The following KIF25 variants were observed in gnomAD, a reference collection of about 807,000 sequenced individuals.
KIF25 encodes kinesin family member 25, also known as kinesin-like protein KIF25.
A neutral mutation model predicts 32.9 loss-of-function variants in KIF25; 19 were observed. That is an observed-to-expected ratio of 0.58 (90% CI 0.40 to 0.85). The LOEUF (loss-of-function observed/expected upper bound fraction) is 0.85. Ranked by LOEUF, KIF25 falls within the 40% of genes least tolerant of loss-of-function variation. The probability of loss-of-function intolerance (pLI) is 0.00; values close to 1 mark genes in which losing one functional copy is unlikely to be tolerated. For synonymous variants in KIF25, 225 were observed against 213.7 expected, an observed-to-expected ratio of 1.05 and a Z score of -0.46; for missense variants, 485 against 507.0, an observed-to-expected ratio of 0.96 and a Z score of 0.42.
At chr6:168,041,271 G>A (rs904779303) in intron 10 of KIF25, among the ~76,000 whole-genome samples, 5 of 152,230 alleles carry the variant, frequency 3.3e-5, no homozygotes, top group African/African-American at 9.6e-5. Context: ...GAGAGGTGAC[G>A]GGGAGGTGCT....
chr6:168,031,370 TCA>T (rs1203013801), intron 7 of KIF25, among the ~76,000 whole-genome samples: 1 of 152,210 alleles, frequency 6.6e-6, no homozygotes, highest in Non-Finnish European at 1.5e-5. Context: ...TTGAAGAATC[TCA>T]GTTTTGTGGC....
chr6:168,034,688 C>T (rs944291356), intron 8 of KIF25, among the ~76,000 whole-genome samples: 3 of 152,138 alleles, frequency 2.0e-5, no homozygotes, highest in Non-Finnish European at 4.4e-5. Context: ...CCCGTCCTTC[C>T]GTCGCCCTTC....
intron 9 of KIF25, 100 bp downstream of exon 9, chr6:168,038,829 C>A: frequency 8.2e-7 from 1 of 1,218,708 alleles, no homozygotes; most frequent in Non-Finnish European, 1.2e-6. Context: ...ACGAGCTCCC[C>A]ACGCCCAAGG....
At chr6:168,012,452 A>C (rs1381811740) in intron 4 of KIF25, among the ~76,000 whole-genome samples, 2 of 152,172 alleles carry the variant, frequency 1.3e-5, no homozygotes, top group African/African-American at 4.8e-5. Flanking sequence ...AGTGGCCTAC[A>C]GTGAGGGAGT....
chr6:168,007,290 T>C (rs951768794), intron 4 of KIF25, among the ~76,000 whole-genome samples: 1 of 152,086 alleles, frequency 6.6e-6, no homozygotes, highest in Admixed American at 6.5e-5. Flanking sequence ...TGGGCGCCTG[T>C]AGTCCCAGCT....
Position 168,041,995 on chromosome 6 carries a change from C to T in KIF25, c.673C>T (p.Pro225Ser), listed in dbSNP as rs1373665153. 1 of 1,552,028 alleles carries T rather than the reference C, an allele frequency of 6.4e-7. No individual in the cohort carries two copies. Among genetic ancestry groups the T allele is most frequent in the Non-Finnish European group, 8.7e-7 (1 of 1,147,284 alleles). The change falls in exon 11 of 13, where the codon CCC (proline) becomes TCC (serine). Residue 225 changes from proline (P) to serine (S), a missense_variant. Coordinates refer to ENST00000643607, the MANE Select transcript of KIF25 (RefSeq NM_030615.4). The part of the protein sequence containing the change: ...TADQACSATL[P>S]REQTEAGRAG... ...AGACCAAGCCTGCAGTGCCACCCTCCCCAGGGAGCAAACAGAGGCAGGAAG... is the reference window on the plus strand; with the variant it reads ...AGACCAAGCCTGCAGTGCCACCCTCTCCAGGGAGCAAACAGAGGCAGGAAG...
chr6:168,003,558 A>AT (rs1798534802), intron 3 of KIF25, 56 bp from the exon 4 acceptor site: 1 of 152,176 alleles, frequency 6.6e-6, no homozygotes, highest in Non-Finnish European at 1.5e-5. Context: ...AATGTTAGGA[A>AT]TTCAGAAAGC....
chr6:168,044,503 A>G (rs1436014802), intron 12 of KIF25, among the ~76,000 whole-genome samples: 1 of 115,494 alleles, frequency 8.7e-6, no homozygotes, highest in Non-Finnish European at 1.7e-5. Context: ...TCCCGGACCC[A>G]GGTGAGGGAC....
rs73040846 is a variant in KIF25 at position 168,018,628 on chromosome 6, C to T, written c.-95+588C>T. 4.8e-3 allele frequency among the ~76,000 whole-genome samples: 736 copies of T among 152,318 alleles called. 1 individual carries two copies. Among genetic ancestry groups the T allele is most frequent in the Non-Finnish European group, 8.2e-3 (555 of 68,026 alleles). On this transcript the variant is annotated intron_variant, in intron 5 of 12. Transcript: ENST00000643607. ...AATAGGGCTTTCTGTCAGATGCCTTCCTCGGCACTGGGTCGTGGTGTATTC... is the reference window on the plus strand; with the variant it reads ...AATAGGGCTTTCTGTCAGATGCCTTTCTCGGCACTGGGTCGTGGTGTATTC...
At chr6:168,032,485 T>C (rs1273434113) in intron 7 of KIF25, among the ~76,000 whole-genome samples, 4 of 152,234 alleles carry the variant, frequency 2.6e-5, no homozygotes, top group Non-Finnish European at 5.9e-5. Context: ...TTTTTAATCC[T>C]GGAAGGAAAA....
intron 5 of KIF25, among the ~76,000 whole-genome samples, chr6:168,026,296 T>C (rs1798859399): frequency 6.6e-6 from 1 of 152,182 alleles, no homozygotes; most frequent in Admixed American, 6.5e-5. Flanking sequence ...TGTCTCAATA[T>C]GAATACGCTG....
At chr6:168,018,192 A>G (rs972623537) in intron 5 of KIF25, among the ~76,000 whole-genome samples, 152 bp downstream of exon 5, 1 of 152,194 alleles carries the variant, frequency 6.6e-6, no homozygotes. Context: ...AGATTTTTCA[A>G]CTTTAGGAAG....
At chr6:168,035,528 T>C (rs1257232703) in intron 8 of KIF25, among the ~76,000 whole-genome samples, 1 of 60,392 alleles carries the variant, frequency 1.7e-5, no homozygotes, top group Non-Finnish European at 3.3e-5. Flanking sequence ...GGAACTGAGC[T>C]GAGGCAGCAC....
chr6:168,042,476 A>T lies in KIF25; in HGVS notation c.830-85A>T, dbSNP rs575019534. 102 of 1,521,788 alleles carry T rather than the reference A, an allele frequency of 6.7e-5. No individual in the cohort carries two copies. The South Asian group carries it at 1.2e-3, about 18-fold the overall frequency. 94.3% of individuals were successfully genotyped at this position (1,521,788 alleles called of 1,614,324 possible). On this transcript the variant is annotated intron_variant, in intron 11 of 12. Transcript: ENST00000643607. ...ATGGCCTCCCCTCTACCTGCCTGAG[A>T]GCCGCTCCTCCCAAGGAGCCGGTTT...
At chr6:168,041,213 C>T (rs543207304) in intron 10 of KIF25, among the ~76,000 whole-genome samples, 54 of 152,322 alleles carry the variant, frequency 3.5e-4, no homozygotes, top group Middle Eastern at 3.4e-3. Flanking sequence ...TTCTTGCCAC[C>T]GTGGCACTTG....
chr6:168,024,577 T>C (rs1268201291), intron 5 of KIF25, among the ~76,000 whole-genome samples: 1 of 152,004 alleles, frequency 6.6e-6, no homozygotes. Flanking sequence ...TGGGAGATCT[T>C]TACAATGATA....
chr6:168,004,728 G>A lies in KIF25; in HGVS notation c.-163+1025G>A, dbSNP rs569712530. 1.8e-4 allele frequency among the ~76,000 whole-genome samples: 27 copies of A among 152,276 alleles called. No individual in the cohort carries two copies. In the South Asian group the frequency reaches 3.1e-3, roughly 18 times the overall value. ...TCTAAGCACTTTCTCCTGAGTGGAC[G>A]CTGCTCAGGGGTTGATAGGATCTTC... is the stretch of plus-strand genomic sequence containing the variant. On this transcript the variant is annotated intron_variant, in intron 4 of 12. Transcript: ENST00000643607.
At chr6:168,005,684 G>A (rs1025056557) in intron 4 of KIF25, among the ~76,000 whole-genome samples, 9 of 152,216 alleles carry the variant, frequency 5.9e-5, no homozygotes, top group Non-Finnish European at 1.3e-4. Context: ...TCCGATGTTC[G>A]AGGGTAGGAA....
At chr6:168,011,194 C>T (rs368315438) in intron 4 of KIF25, among the ~76,000 whole-genome samples, 3 of 152,054 alleles carry the variant, frequency 2.0e-5, no homozygotes, top group African/African-American at 7.2e-5. Flanking sequence ...TTGCTTCTTA[C>T]TTCCTCTCTT....
Sources: allele counts gnomAD v4.1 joint callset (sites outside exome capture counted in the v4.1 genomes callset), GRCh38; gene constraint gnomAD v4.1.1; transcripts MANE v1.5; gene names NCBI Gene and HGNC (gene_info 2026-07-23, HGNC 2026-07-21).